The following IRAK1 variants were observed in gnomAD, a reference collection of about 807,000 sequenced individuals.
The protein encoded by IRAK1 is interleukin 1 receptor associated kinase 1, also known as interleukin-1 receptor-associated kinase 1.
In IRAK1, 9 loss-of-function variants were observed where a neutral mutation model predicts 49.8. The ratio of observed to expected loss-of-function variants is 0.18; its 90% CI spans 0.11 to 0.32. The LOEUF (loss-of-function observed/expected upper bound fraction) is 0.32, where lower values mean the gene tolerates loss of function less well. Ranked by LOEUF, IRAK1 falls within the 10% of genes least tolerant of loss-of-function variation. The pLI is 1.00. For synonymous variants in IRAK1, 282 were observed against 270.8 expected (o/e 1.04, Z -0.41); for missense variants, 418 against 600.5 (o/e 0.70, Z 3.18).
Position 154,016,560 on chromosome X carries a change from G to T in IRAK1, c.1113C>A (p.Ser371Arg). The T allele has an allele frequency of 1.7e-6, 2 of 1,211,738 alleles. No individual in the cohort carries two copies. Among genetic ancestry groups the T allele is most frequent in the Non-Finnish European group, 2.2e-6 (2 of 895,023 alleles). ...GGGCCACCATGCTGCTCTGGCTGGGGCTGGACCCGGCAAAGCGGCTGAACC... is the reference window on the plus strand; with the variant it reads ...GGGCCACCATGCTGCTCTGGCTGGGTCTGGACCCGGCAAAGCGGCTGAACC... ...LARFSRFAGS[S>R]PSQSSMVART... The change falls in exon 9 of 14, where the codon AGC becomes AGA. Residue 371 changes from serine (S) to arginine (R), a missense_variant. By Grantham distance (110) the Ser-to-Arg change is moderately radical. Coordinates refer to ENST00000369980, the MANE Select transcript of IRAK1 (RefSeq NM_001569.4).
chrX:154,019,576 C>G lies in IRAK1; in HGVS notation c.159G>C (p.Gln53His). Residue 53 changes from glutamine to histidine, a missense_variant, in exon 2 of 14, where the codon CAG (glutamine) becomes CAC (histidine). This residue lies in a region of IRAK1 where 21 missense variants were observed against 84.9 expected (regional missense o/e 0.25). Coordinates refer to ENST00000369980, the MANE Select transcript of IRAK1 (RefSeq NM_001569.4). ...CQFAALIVRD[Q>H]TELRLCERSG... Reference sequence around the variant, plus strand: ...AGCGCTCGCACAGCCGCAGCTCGGTCTGGTCGCGCACGATCAGGGCGGCTG... The same window carrying G: ...AGCGCTCGCACAGCCGCAGCTCGGTGTGGTCGCGCACGATCAGGGCGGCTG... The G allele has an allele frequency of 8.7e-7, 1 of 1,143,208 alleles. No homozygotes were observed. Among genetic ancestry groups the G allele is most frequent in the Non-Finnish European group, 1.2e-6 (1 of 867,243 alleles). 94.2% of individuals were successfully genotyped at this position (1,143,208 alleles called of 1,213,427 possible). A position where few individuals can be genotyped will look rare whatever the true frequency, so the allele number is the denominator to read the frequency against.
At position 154,011,750 on chromosome X, in the gene IRAK1, G is replaced by C; in HGVS notation, c.*109C>G. ...CCTCCTTCTCTCCCCCGCGGGCATG[G>C]GCCCCCACCCCCACTGCCGGCAGAG... On this transcript the variant is annotated 3_prime_UTR_variant, in exon 14 of 14. Transcript: ENST00000369980. 1.2e-6 allele frequency: 1 copy of C among 805,812 alleles called. No individual in the cohort carries two copies. The highest frequency in any genetic ancestry group is 2.2e-5 in the Admixed American group (1 of 44,687). The allele number at this position is 805,812 out of a possible 1,213,427, so 66.4% of individuals were successfully genotyped here.
intron 9 of IRAK1, 104 bp from the exon 10 acceptor site, chrX:154,016,201 C>G: frequency 1.4e-6 from 1 of 739,248 alleles, no homozygotes; most frequent in Admixed American, 2.4e-5. Flanking sequence ...AAAGGCAGAG[C>G]CAGATGTTAT....
intron 13 of IRAK1, 38 bp from the exon 14 acceptor site, chrX:154,011,955 G>T: frequency 8.8e-7 from 1 of 1,140,863 alleles, no homozygotes; most frequent in African/African-American, 1.8e-5. Context: ...AGCAAATGGG[G>T]GAGGCTCCCC....
At chrX:154,017,795 C>CAAAAAAAA (rs1451487402) in intron 7 of IRAK1, among the ~76,000 whole-genome samples, 1 of 26,170 alleles carries the variant, frequency 3.8e-5, no homozygotes, top group Non-Finnish European at 6.0e-5. Context: ...GACTCCACCT[C>CAAAAAAAA]AAAAAAAAAA....
Position 154,018,654 on chromosome X carries a change from C to G in IRAK1, c.674G>C (p.Cys225Ser). 1 of 1,208,788 alleles carries G rather than the reference C, an allele frequency of 8.3e-7. No homozygotes were observed. Among genetic ancestry groups the G allele is most frequent in the Non-Finnish European group, 1.1e-6 (1 of 892,822 alleles). Residue 225 changes from cysteine (C) to serine (S), a missense_variant, in exon 5 of 14, where the codon TGC (cysteine) becomes TCC (serine). By Grantham distance (112) the Cys-to-Ser change is moderately radical. Coordinates refer to ENST00000369980, the MANE Select transcript of IRAK1 (RefSeq NM_001569.4). ...GTTCCTCATCACCGCCCGGTACACG[C>G]ACCCAAAGCCACCCTCCCCGATCTT... ...ELKIGEGGFG[C>S]VYRAVMRNTV...
In IRAK1 at chrX:154,019,312, C is replaced by T. The variant is rs1557130749; in HGVS notation, c.321G>A (p.Pro107=). 7 of 1,168,419 alleles carry T rather than the reference C, an allele frequency of 6.0e-6. No individual in the cohort carries two copies. Among genetic ancestry groups the T allele is most frequent in the Non-Finnish European group, 8.0e-6 (7 of 873,152 alleles). Residue 107 remains proline (P), a synonymous_variant, in exon 3 of 14, where the codon CCG becomes CCA. Transcript: ENST00000369980. ...GGGCAGTGGTGCCTGGGGACGGAAG[C>T]GGGGCGGGAGGGTGCCCTGGGACGC... is the stretch of plus-strand genomic sequence containing the variant. ...DIITAWHPPA[P]LPSPGTTAPR... is the part of the protein sequence containing the mutation.
intron 1 of IRAK1, 25 bp downstream of exon 1, chrX:154,019,652 C>T: frequency 1.0e-6 from 1 of 956,755 alleles, no homozygotes; most frequent in Non-Finnish European, 1.3e-6. Context: ...CGCCTCCCGC[C>T]CCCCGGCAGC....
At chrX:154,017,366 A>C (rs2065746809) in intron 7 of IRAK1, among the ~76,000 whole-genome samples, 2 of 112,309 alleles carry the variant, frequency 1.8e-5, no homozygotes, top group Admixed American at 9.4e-5. Flanking sequence ...ATGCAGGAGG[A>C]GGCAAGGGGG....
At chrX:154,017,725 G>A (rs2065749165) in intron 7 of IRAK1, among the ~76,000 whole-genome samples, 1 of 105,169 alleles carries the variant, frequency 9.5e-6, no homozygotes, top group African/African-American at 3.5e-5. Flanking sequence ...GAACCCGGGA[G>A]GTGGAGGTTG....
Position 154,011,100 on chromosome X carries a change from T to C in IRAK1, c.*759A>G, listed in dbSNP as rs782275173. ...CTTCACTTTTCCCAGGGTTTTTCTT[T>C]TTGAAACAGGGTCTTGCTCTGTCAC... On this transcript the variant is annotated 3_prime_UTR_variant, in exon 14 of 14. Coordinates refer to ENST00000369980, the MANE Select transcript of IRAK1 (RefSeq NM_001569.4). 6 of 341,747 alleles carry C rather than the reference T, an allele frequency of 1.8e-5. No homozygotes were observed. Among genetic ancestry groups the C allele is most frequent in the South Asian group, 1.6e-4 (6 of 38,595 alleles). The allele number at this position is 341,747 out of a possible 1,213,427, so 28.2% of individuals were successfully genotyped here.
intron 3 of IRAK1, 25 bp downstream of exon 3, chrX:154,019,172 G>T: frequency 1.7e-6 from 2 of 1,210,897 alleles, no homozygotes; most frequent in Non-Finnish European, 2.2e-6. Flanking sequence ...TGGGTCCACC[G>T]AGCCTAACAA....
At chrX:154,019,131 G>A (rs1194968065) in intron 3 of IRAK1, 53 bp from the exon 4 acceptor site, 1 of 1,202,861 alleles carries the variant, frequency 8.3e-7, no homozygotes. Flanking sequence ...AGGGTCTACA[G>A]CCGTGGCCGT....
Position 154,018,646 on chromosome X carries a change from G to A in IRAK1, c.682C>T (p.Arg228Trp). The A allele has an allele frequency of 2.5e-6, 3 of 1,210,194 alleles. No homozygotes were observed. The highest frequency in any genetic ancestry group is 3.4e-6 in the Non-Finnish European group (3 of 894,257). Residue 228 changes from arginine (R) to tryptophan (W), a missense_variant, in exon 5 of 14, where the codon CGG (arginine) becomes TGG (tryptophan). Around this residue, in one of 3 missense-constraint regions of IRAK1, gnomAD observed 377 missense variants for 499.5 expected, o/e 0.75. Coordinates refer to ENST00000369980, the MANE Select transcript of IRAK1 (RefSeq NM_001569.4). Reference protein sequence around the residue: ...IGEGGFGCVYRAVMRNTVYAV... With the variant: ...IGEGGFGCVYWAVMRNTVYAV... ...TACACCGTGTTCCTCATCACCGCCC[G>A]GTACACGCACCCAAAGCCACCCTCC...
chrX:154,018,411 C>A, intron 5 of IRAK1, 56 bp from the exon 6 acceptor site: 2 of 1,057,795 alleles, frequency 1.9e-6, no homozygotes, highest in Non-Finnish European at 2.6e-6. Context: ...CAGCGTGAGG[C>A]TCTCGAAGCG....
At chrX:154,015,733 C>T (rs1230128325) in intron 10 of IRAK1, among the ~76,000 whole-genome samples, 2 of 112,111 alleles carry the variant, frequency 1.8e-5, no homozygotes, top group South Asian at 3.7e-4. Flanking sequence ...CGCCTTTCTC[C>T]GGCCAGAGTC....
Position 154,019,267 on chromosome X carries a change from A to G in IRAK1, c.366T>C (p.Pro122=). 1.7e-6 allele frequency: 2 copies of G among 1,199,114 alleles called. No homozygotes were observed. Among genetic ancestry groups the G allele is most frequent in the Non-Finnish European group, 2.3e-6 (2 of 888,852 alleles). ...GTTAPRPSSI[P]APAEAEAWSP... Reference sequence around the variant, plus strand: ...TCCAGGCCTCGGCCTCGGCGGGTGCAGGGATGCTGCTGGGCCTCGGGGCAG... The same window carrying G: ...TCCAGGCCTCGGCCTCGGCGGGTGCGGGGATGCTGCTGGGCCTCGGGGCAG... The change falls in exon 3 of 14, where the codon CCT becomes CCC. Residue 122 remains proline, a synonymous_variant. Transcript: ENST00000369980.
chrX:154,016,577 G>A lies in IRAK1; in HGVS notation c.1096C>T (p.Arg366Cys), dbSNP rs143993525. 727 of 1,211,002 alleles carry A rather than the reference G, an allele frequency of 6.0e-4. No individual in the cohort carries two copies. Among genetic ancestry groups the A allele is most frequent in the Non-Finnish European group, 6.1e-4 (547 of 895,084 alleles). ...TGGCTGGGGCTGGACCCGGCAAAGC[G>A]GCTGAACCGGGCCAGGCCAAAGTCT... ...LGDFGLARFS[R>C]FAGSSPSQSS... Residue 366 changes from arginine to cysteine, a missense_variant, in exon 9 of 14, where the codon CGC becomes TGC. Arg to Cys is a radical substitution (Grantham distance 180, BLOSUM62 -3). This residue lies in a region of IRAK1 where 377 missense variants were observed against 499.5 expected (regional missense o/e 0.75). Coordinates refer to ENST00000369980, the MANE Select transcript of IRAK1 (RefSeq NM_001569.4).
chrX:154,018,149 C>T (rs1179395783), intron 6 of IRAK1, 29 bp from the exon 7 acceptor site: 1 of 1,146,387 alleles, frequency 8.7e-7, no homozygotes, highest in East Asian at 3.0e-5. Context: ...CACTTTCCAT[C>T]AGGCCAGACT....
Sources: allele counts gnomAD v4.1 joint callset (sites outside exome capture counted in the v4.1 genomes callset), GRCh38; gene constraint gnomAD v4.1.1; regional missense constraint gnomAD v4.1.1; transcripts MANE v1.5; gene names NCBI Gene and HGNC (gene_info 2026-07-23, HGNC 2026-07-21).